Variants in DIAPH3 observed in about 807,000 individuals in gnomAD.
The protein encoded by DIAPH3 is diaphanous related formin 3.
A neutral mutation model predicts 144.3 loss-of-function variants in DIAPH3; 117 were observed. The observed-to-expected ratio is 0.81, with a 90% CI of 0.70 to 0.95. The LOEUF (loss-of-function observed/expected upper bound fraction) is 0.95, where lower values mean the gene tolerates loss of function less well. Among genes scored for constraint, DIAPH3 ranks in the 40% least tolerant of loss-of-function variants. The pLI is 0.00. For synonymous variants in DIAPH3, 519 were observed against 488.9 expected, an observed-to-expected ratio of 1.06 and a Z score of -0.81; for missense variants, 1,421 against 1,412.7, an observed-to-expected ratio of 1.01 and a Z score of -0.09.
intron 27 of DIAPH3, among the ~76,000 whole-genome samples, chr13:59,726,666 C>A (rs2035616307): frequency 6.6e-6 from 1 of 152,166 alleles, no homozygotes; most frequent in Non-Finnish European, 1.5e-5. Context: ...GCTCAGATGG[C>A]TGATGTAGTG....
At chr13:59,753,451 A>C (rs2037113209) in intron 27 of DIAPH3, among the ~76,000 whole-genome samples, 1 of 152,194 alleles carries the variant, frequency 6.6e-6, no homozygotes, top group African/African-American at 2.4e-5. Flanking sequence ...GGGACTCAAA[A>C]GTGTACTGCA....
At chr13:60,002,379 C>T (rs2052575672) in intron 9 of DIAPH3, among the ~76,000 whole-genome samples, 1 of 152,070 alleles carries the variant, frequency 6.6e-6, no homozygotes, top group African/African-American at 2.4e-5. Context: ...AGTAATATTC[C>T]CTATGCTCAA....
chr13:59,929,781 G>A (rs1248186927), intron 17 of DIAPH3, among the ~76,000 whole-genome samples: 1 of 151,440 alleles, frequency 6.6e-6, no homozygotes, highest in Non-Finnish European at 1.5e-5. Flanking sequence ...ATGTTGACCA[G>A]GTTAGTCTCA....
Position 59,870,615 on chromosome 13 carries a change from G to A in DIAPH3, c.2607+8614C>T, listed in dbSNP as rs1019795932. On this transcript the variant is annotated intron_variant, in intron 21 of 27. Transcript: ENST00000400324. Reference sequence around the variant, plus strand: ...GACATGCTTTCTATGAACATGAAATGTCTATTACTTTATTAGATCTTCTTT... The same window carrying A: ...GACATGCTTTCTATGAACATGAAATATCTATTACTTTATTAGATCTTCTTT... 4.0e-5 allele frequency among the ~76,000 whole-genome samples: 6 copies of A among 150,272 alleles called. No homozygotes were observed. In the East Asian group the frequency reaches 9.7e-4, roughly 24 times the overall value.
At chr13:59,846,280 T>C (rs994940528) in intron 22 of DIAPH3, among the ~76,000 whole-genome samples, 1 of 152,082 alleles carries the variant, frequency 6.6e-6, no homozygotes, top group Non-Finnish European at 1.5e-5. Flanking sequence ...GAGGTGTTGG[T>C]CATTATTTCA....
intron 9 of DIAPH3, among the ~76,000 whole-genome samples, chr13:60,005,350 G>A (rs2052791150): frequency 6.6e-6 from 1 of 152,216 alleles, no homozygotes; most frequent in African/African-American, 2.4e-5. Context: ...TCAGGCTAGA[G>A]AGAATCAAAG....
At chr13:60,081,219 T>G (rs1323260434) in intron 4 of DIAPH3, among the ~76,000 whole-genome samples, 8 of 151,990 alleles carry the variant, frequency 5.3e-5, no homozygotes. Flanking sequence ...GGATGCATCC[T>G]GCATAACTTT....
intron 27 of DIAPH3, among the ~76,000 whole-genome samples, chr13:59,757,423 T>C (rs2037340118): frequency 8.1e-6 from 1 of 123,056 alleles, no homozygotes; most frequent in Admixed American, 9.1e-5. Flanking sequence ...TTTTTTGAGA[T>C]GGAGTCTTGC....
intron 20 of DIAPH3, among the ~76,000 whole-genome samples, chr13:59,882,186 T>G (rs1297008427): frequency 1.3e-5 from 2 of 152,122 alleles, no homozygotes; most frequent in Non-Finnish European, 2.9e-5. Flanking sequence ...CCTCCTGGGT[T>G]CAAGCAATTC....
chr13:59,808,014 T>C (rs750074407), intron 25 of DIAPH3, among the ~76,000 whole-genome samples: 7 of 151,704 alleles, frequency 4.6e-5, no homozygotes, highest in African/African-American at 7.3e-5. Context: ...ATCAAATATA[T>C]GATTAAGGGA....
intron 20 of DIAPH3, among the ~76,000 whole-genome samples, chr13:59,892,681 T>C (rs1430579771): frequency 6.6e-6 from 1 of 151,568 alleles, no homozygotes; most frequent in East Asian, 1.9e-4. Flanking sequence ...TAACACAGAC[T>C]CATTAAAAAT....
At chr13:60,075,075 A>G (rs572018503) in intron 4 of DIAPH3, among the ~76,000 whole-genome samples, 1 of 152,334 alleles carries the variant, frequency 6.6e-6, no homozygotes, top group South Asian at 2.1e-4. Flanking sequence ...AATAGTTTGC[A>G]TTGATATATA....
chr13:59,710,783 C>A (rs146387342), intron 27 of DIAPH3, among the ~76,000 whole-genome samples: 1 of 152,270 alleles, frequency 6.6e-6, no homozygotes, highest in East Asian at 1.9e-4. Flanking sequence ...AACTGTTTTA[C>A]TACCTCCTTT....
intron 25 of DIAPH3, among the ~76,000 whole-genome samples, chr13:59,777,875 G>T (rs781193148): frequency 6.6e-6 from 1 of 152,148 alleles, no homozygotes; most frequent in African/African-American, 2.4e-5. Context: ...CGACAATGAA[G>T]TATAGAGGAG....
In DIAPH3 at chr13:59,666,594, C is replaced by T. The variant is rs765346256; in HGVS notation, c.3572G>A (p.Arg1191Gln). The change falls in exon 28 of 28, where the codon CGA becomes CAA. Residue 1191 changes from arginine (R) to glutamine (Q), a missense_variant. Coordinates refer to ENST00000400324, the MANE Select transcript of DIAPH3 (RefSeq NM_001042517.2). ...PEVEALLARL[R>Q]AL ...AAAAACCAGTTTAACTTATAAAGCTCGTAATCTTGCCAGCAGGGCTTCAAC... is the reference window on the plus strand; with the variant it reads ...AAAAACCAGTTTAACTTATAAAGCTTGTAATCTTGCCAGCAGGGCTTCAAC... 2.8e-5 allele frequency: 45 copies of T among 1,613,862 alleles called. No individual in the cohort carries two copies. Among genetic ancestry groups the T allele is most frequent in the East Asian group, 6.7e-5 (3 of 44,878 alleles).
At chr13:60,031,628 C>G (rs1043648881) in intron 5 of DIAPH3, among the ~76,000 whole-genome samples, 1 of 147,610 alleles carries the variant, frequency 6.8e-6, no homozygotes, top group Non-Finnish European at 1.5e-5. Context: ...AACGGGGGTA[C>G]AGATATTAGG....
At chr13:59,818,666 T>C (rs2040908427) in intron 24 of DIAPH3, among the ~76,000 whole-genome samples, 2 of 152,028 alleles carry the variant, frequency 1.3e-5, no homozygotes, top group South Asian at 4.1e-4. Flanking sequence ...TGGGACTTTA[T>C]ACAAGTGGTA....
intron 17 of DIAPH3, among the ~76,000 whole-genome samples, chr13:59,926,191 T>C (rs970769074): frequency 1.3e-5 from 2 of 151,818 alleles, no homozygotes; most frequent in Non-Finnish European, 2.9e-5. Context: ...CCCCACTATA[T>C]TGCCCAGGCT....
chr13:59,775,618 T>A (rs888947230), intron 25 of DIAPH3, among the ~76,000 whole-genome samples: 14 of 152,226 alleles, frequency 9.2e-5, no homozygotes, highest in Admixed American at 7.9e-4. Flanking sequence ...TGCTAACTTT[T>A]AAATATAACA....
Sources: gnomAD v4.1 joint callset for allele counts (sites outside exome capture counted in the v4.1 genomes callset) on GRCh38, gnomAD v4.1.1 for gene constraint, MANE v1.5 for transcripts, NCBI Gene and HGNC (gene_info 2026-07-23, HGNC 2026-07-21) for gene names.